SYT17: variants seen among roughly 807,000 people sequenced by gnomAD.
The protein encoded by SYT17 is synaptotagmin 17, also known as synaptotagmin-17.
Under a neutral mutation model 46.7 loss-of-function variants are expected in SYT17, and 22 were observed. The ratio of observed to expected loss-of-function variants is 0.47; its 90% CI spans 0.34 to 0.67. SYT17 has a LOEUF of 0.67. Among genes scored for constraint, SYT17 ranks in the 30% least tolerant of loss-of-function variants. The probability of loss-of-function intolerance (pLI) is 0.01; values close to 1 mark genes in which losing one functional copy is unlikely to be tolerated. For synonymous variants in SYT17, 251 were observed against 248.4 expected (o/e 1.01, Z -0.10); for missense variants, 519 against 612.8 (o/e 0.85, Z 1.62).
intron 4 of SYT17, among the ~76,000 whole-genome samples, chr16:19,180,859 T>C (rs1964523651): frequency 6.6e-6 from 1 of 152,230 alleles, no homozygotes; most frequent in African/African-American, 2.4e-5. Flanking sequence ...GGCTATATTA[T>C]ATAGCAGGGT....
intron 7 of SYT17, 43 bp from the exon 8 acceptor site, chr16:19,266,837 T>G: frequency 6.3e-7 from 1 of 1,581,828 alleles, no homozygotes; most frequent in Non-Finnish European, 8.6e-7. Context: ...GTTCCCCTCC[T>G]TCCTCTTGCC....
At chr16:19,201,762 C>A (rs1965476490) in intron 5 of SYT17, among the ~76,000 whole-genome samples, 1 of 151,204 alleles carries the variant, frequency 6.6e-6, no homozygotes, top group Non-Finnish European at 1.5e-5. Flanking sequence ...TAAAATCTGA[C>A]AGACCCAAGT....
At chr16:19,209,556 G>T (rs1965810336) in intron 5 of SYT17, among the ~76,000 whole-genome samples, 1 of 152,102 alleles carries the variant, frequency 6.6e-6, no homozygotes, top group African/African-American at 2.4e-5. Flanking sequence ...TATGGAGGAA[G>T]GGCATTGCAC....
At chr16:19,178,385 A>G (rs893815034) in intron 3 of SYT17, among the ~76,000 whole-genome samples, 2 of 148,418 alleles carry the variant, frequency 1.3e-5, no homozygotes, top group African/African-American at 5.0e-5. Context: ...GTGCCCGCCC[A>G]GTTTCAAGTG....
intron 7 of SYT17, among the ~76,000 whole-genome samples, chr16:19,255,754 C>A (rs1486355739): frequency 6.6e-6 from 1 of 152,178 alleles, no homozygotes; most frequent in South Asian, 2.1e-4. Context: ...CACGCCACTG[C>A]ACTCCACTGT....
intron 7 of SYT17, among the ~76,000 whole-genome samples, chr16:19,257,769 G>C (rs899889014): frequency 1.3e-5 from 2 of 152,080 alleles, no homozygotes; most frequent in African/African-American, 4.8e-5. Context: ...GTAGATCGCC[G>C]GGTACAGTGA....
intron 3 of SYT17, among the ~76,000 whole-genome samples, chr16:19,173,959 A>AT: frequency 6.6e-6 from 1 of 152,174 alleles, no homozygotes; most frequent in South Asian, 2.1e-4. Context: ...GAGGGTTTCC[A>AT]TCCAAGTCAG....
Position 19,168,472 on chromosome 16 carries a change from G to A in SYT17, c.-175G>A. ...CCGGAACGCAGGGAAAGGCAAGGAC[G>A]GGGCGGCCGGCGGAGGGGCGGGCGC... On this transcript the variant is annotated 5_prime_UTR_variant, in exon 1 of 8. Transcript: ENST00000355377. The surrounding 1 kb of genome is among the most constrained non-coding windows in gnomAD (Gnocchi z 6.9). 1.2e-6 allele frequency: 1 copy of A among 832,704 alleles called. No homozygotes were observed. The highest frequency in any genetic ancestry group is 1.7e-5 in the South Asian group (1 of 59,098). The allele number at this position is 832,704 out of a possible 1,614,324, so 51.6% of individuals were successfully genotyped here. A position where few individuals can be genotyped will look rare whatever the true frequency, so the allele number is the denominator to read the frequency against.
rs1286434998 is a variant in SYT17 at position 19,219,125 on chromosome 16, G to A, written c.952-3920G>A. 5.2e-4 allele frequency among the ~76,000 whole-genome samples: 4 copies of A among 7,690 alleles called. 2 individuals carry two copies. Among genetic ancestry groups the A allele is most frequent in the African/African-American group, 3.5e-3 (2 of 568 alleles). The allele number at this position is 7,690 out of a possible 152,430, so 5.0% of individuals were successfully genotyped here. A position where few individuals can be genotyped will look rare whatever the true frequency, so the allele number is the denominator to read the frequency against. The stretch of plus-strand genomic sequence containing the variant: ...CCACATAAAATAATAAAACAAGGCC[G>A]GGCGCGGTGGCTCACGCCTGTAATC... On this transcript the variant is annotated intron_variant, in intron 5 of 7. Coordinates refer to ENST00000355377, the MANE Select transcript of SYT17 (RefSeq NM_016524.4).
intron 5 of SYT17, among the ~76,000 whole-genome samples, chr16:19,207,619 C>T (rs1245234705): frequency 6.6e-6 from 1 of 152,172 alleles, no homozygotes; most frequent in African/African-American, 2.4e-5. Context: ...AATCCACCTC[C>T]ATGGTCCAAT....
rs1368281070 is a variant in SYT17 at position 19,168,683 on chromosome 16, A to G, written c.15+22A>G. On this transcript the variant is annotated intron_variant, in intron 1 of 7. Transcript: ENST00000355377. This position sits in a 1 kb window ranked among gnomAD's most constrained non-coding sequence, Gnocchi z 6.9. ...CCAGGTAGGGCTGAGGCTGGGGGCA[A>G]GGTCCGGGGTGCGGGTAGGGGGTGC... 1.3e-6 allele frequency: 2 copies of G among 1,500,274 alleles called. No individual in the cohort carries two copies. Among genetic ancestry groups the G allele is most frequent in the East Asian group, 5.7e-5 (2 of 35,070 alleles). The allele number at this position is 1,500,274 out of a possible 1,614,324, so 92.9% of individuals were successfully genotyped here.
intron 5 of SYT17, among the ~76,000 whole-genome samples, chr16:19,203,917 G>T (rs910330504): frequency 6.6e-6 from 1 of 152,220 alleles, no homozygotes; most frequent in Non-Finnish European, 1.5e-5. Flanking sequence ...TGTGGGCAAT[G>T]GTGCAACATA....
intron 5 of SYT17, among the ~76,000 whole-genome samples, chr16:19,218,193 C>T (rs1430922106): frequency 6.6e-6 from 1 of 152,238 alleles, no homozygotes; most frequent in Admixed American, 6.5e-5. Flanking sequence ...TTTGCTGTAA[C>T]AATCATAATC....
intron 5 of SYT17, among the ~76,000 whole-genome samples, chr16:19,198,772 G>A (rs901952619): frequency 5.3e-5 from 8 of 152,358 alleles, no homozygotes; most frequent in East Asian, 3.9e-4. Context: ...CCTGTGGCAT[G>A]AGGCAAGGCC....
At position 19,183,942 on chromosome 16, in the gene SYT17, G is replaced by T. The variant is rs764089204; in HGVS notation, c.746G>T (p.Arg249Leu). Residue 249 changes from arginine (R) to leucine (L), a missense_variant, in exon 5 of 8, where the codon CGC becomes CTC. By Grantham distance (102) the Arg-to-Leu change is moderately radical. Coordinates refer to ENST00000355377, the MANE Select transcript of SYT17 (RefSeq NM_016524.4). The surrounding 1 kb of genome is among the most constrained non-coding windows in gnomAD (Gnocchi z 5.6). ...QKNSKQTGVK[R>L]KTQKPVFEER... ...AACTCAAAGCAGACCGGGGTCAAAC[G>T]CAAGACCCAGAAGCCCGTGTTTGAG... is the stretch of plus-strand genomic sequence containing the variant. 2.0e-5 allele frequency: 33 copies of T among 1,614,176 alleles called. No homozygotes were observed. Among genetic ancestry groups the T allele is most frequent in the Non-Finnish European group, 2.8e-5 (33 of 1,180,044 alleles).
At chr16:19,248,650 A>G (rs1967779188) in intron 7 of SYT17, among the ~76,000 whole-genome samples, 1 of 151,990 alleles carries the variant, frequency 6.6e-6, no homozygotes, top group African/African-American at 2.4e-5. Context: ...GCGAAACCCC[A>G]TCTCTACTAA....
Position 19,219,444 on chromosome 16 carries a change from A to T in SYT17, c.952-3601A>T, listed in dbSNP as rs200758347. The stretch of plus-strand genomic sequence containing the variant: ...AAAAAAAAAAAAAAAAAAAAAAAAA[A>T]AATAATAATAATAATAATAATAAAA... On this transcript the variant is annotated intron_variant, in intron 5 of 7. Transcript: ENST00000355377. Among the ~76,000 whole-genome samples, 945 of 121,786 alleles carry T rather than the reference A, an allele frequency of 7.8e-3. 361 individuals carry two copies. The highest frequency in any genetic ancestry group is 0.021 in the African/African-American group (763 of 36,442). 79.9% of individuals were successfully genotyped at this position (121,786 alleles called of 152,430 possible).
At chr16:19,196,302 GCATGATCT>G (rs1399568621) in intron 5 of SYT17, among the ~76,000 whole-genome samples, 1 of 151,698 alleles carries the variant, frequency 6.6e-6, no homozygotes, top group Non-Finnish European at 1.5e-5. Flanking sequence ...GAGTGCAATG[GCATGATCT>G]CGGCTCACTG....
At position 19,208,724 on chromosome 16, in the gene SYT17, G is replaced by C. The variant is rs201894522; in HGVS notation, c.952-14321G>C. ...TCTGGTGGTTGGCTGGCAATATTTG[G>C]TGTCTATTGGCTTATAGATCTCTGC... On this transcript the variant is annotated intron_variant, in intron 5 of 7. Transcript: ENST00000355377. Among the ~76,000 whole-genome samples the C allele has an allele frequency of 9.2e-5, 14 of 152,050 alleles. No individual in the cohort carries two copies. The East Asian group carries it at 2.5e-3, about 27-fold the overall frequency.
Sources: allele counts gnomAD v4.1 joint callset (sites outside exome capture counted in the v4.1 genomes callset), GRCh38; gene constraint gnomAD v4.1.1; non-coding constraint Gnocchi (gnomAD v3.1); transcripts MANE v1.5; gene names NCBI Gene and HGNC (gene_info 2026-07-23, HGNC 2026-07-21).